The following MAML2 variants were observed in gnomAD, a reference collection of about 807,000 sequenced individuals.
The protein encoded by MAML2 is mastermind-like protein 2.
A neutral mutation model predicts 96.1 loss-of-function variants in MAML2; 22 were observed. The ratio of observed to expected loss-of-function variants is 0.23; its 90% CI spans 0.16 to 0.33. The LOEUF is 0.33. MAML2 is among the 10% of genes least tolerant of loss of function. MAML2 has a pLI of 1.00. For missense variants in MAML2, 1,367 were observed against 1,392.4 expected (o/e 0.98, Z 0.29); for synonymous variants, 561 against 521.3 (o/e 1.08, Z -1.04).
intron 1 of MAML2, among the ~76,000 whole-genome samples, chr11:96,219,779 C>T (rs765137502): frequency 3.7e-4 from 57 of 152,224 alleles, no homozygotes; most frequent in Middle Eastern, 3.4e-3. Context: ...ATACCTGCCA[C>T]GATACCCAGC....
At chr11:96,007,091 C>A (rs899159601) in intron 2 of MAML2, among the ~76,000 whole-genome samples, 6 of 151,980 alleles carry the variant, frequency 3.9e-5, no homozygotes, top group Non-Finnish European at 7.4e-5. Context: ...CAACCTCCCC[C>A]TCTTGAGTTC....
chr11:96,172,808 G>A (rs55760482), intron 1 of MAML2, among the ~76,000 whole-genome samples: 2,309 of 152,268 alleles, frequency 0.015, 30 homozygotes, highest in Non-Finnish European at 0.024. Flanking sequence ...TGTATATTAT[G>A]GAATGAGAGA....
intron 3 of MAML2, among the ~76,000 whole-genome samples, chr11:95,989,181 G>T (rs762460065): frequency 2.0e-5 from 3 of 152,234 alleles, no homozygotes; most frequent in Non-Finnish European, 2.9e-5. Flanking sequence ...CTCAATTTAG[G>T]TGCCTATGTG....
chr11:95,999,993 G>A (rs919663722), intron 2 of MAML2, among the ~76,000 whole-genome samples: 2 of 152,120 alleles, frequency 1.3e-5, no homozygotes, highest in Non-Finnish European at 2.9e-5. Context: ...TGCCGATGAA[G>A]CCATTTATTT....
chr11:96,091,821 G>A, intron 2 of MAML2, 71 bp downstream of exon 2: 1 of 1,533,956 alleles, frequency 6.5e-7, no homozygotes. Context: ...CAAACATAAT[G>A]GTAACCACAG....
chr11:95,979,077 T>C lies in MAML2; in HGVS notation c.3342A>G (p.Gln1114=). 6.2e-7 allele frequency: 1 copy of C among 1,614,014 alleles called. No individual in the cohort carries two copies. The change falls in exon 5 of 5, where the codon CAA becomes CAG. Residue 1114 remains glutamine, a synonymous_variant. Transcript: ENST00000524717. ...SDLAFDFLSQ[Q]NDNMGPALNS... is the part of the protein sequence containing the mutation. Reference sequence around the variant, plus strand: ...TTAGGGCAGGGCCCATGTTATCATTTTGTTGGCTGAGGAAGTCAAAAGCTA... The same window carrying C: ...TTAGGGCAGGGCCCATGTTATCATTCTGTTGGCTGAGGAAGTCAAAAGCTA...
At chr11:96,279,380 CA>C (rs1248081474) in intron 1 of MAML2, among the ~76,000 whole-genome samples, 1 of 152,192 alleles carries the variant, frequency 6.6e-6, no homozygotes, top group African/African-American at 2.4e-5. Flanking sequence ...GGGTCATTTG[CA>C]GTATGCAGTG....
intron 1 of MAML2, among the ~76,000 whole-genome samples, chr11:96,111,269 C>CT (rs1332974147): frequency 6.6e-6 from 1 of 152,144 alleles, no homozygotes; most frequent in Admixed American, 6.5e-5. Context: ...GTCACAGGTG[C>CT]TTTTTTCCTC....
intron 1 of MAML2, among the ~76,000 whole-genome samples, chr11:96,257,289 C>G (rs1215329450): frequency 6.6e-6 from 1 of 152,212 alleles, no homozygotes; most frequent in Non-Finnish European, 1.5e-5. Flanking sequence ...TATTGGAACA[C>G]TCTCTTGTCA....
intron 1 of MAML2, among the ~76,000 whole-genome samples, chr11:96,224,357 C>T (rs957278255): frequency 2.0e-5 from 3 of 152,146 alleles, no homozygotes; most frequent in Non-Finnish European, 4.4e-5. Context: ...ATTCAAGGGG[C>T]TCCAATATAT....
intron 2 of MAML2, among the ~76,000 whole-genome samples, chr11:96,007,883 G>T (rs1460380808): frequency 7.8e-6 from 1 of 129,024 alleles, no homozygotes; most frequent in Non-Finnish European, 1.6e-5. Flanking sequence ...TGGTGGGGTG[G>T]GGGGAGGGGG....
At chr11:96,226,970 C>T (rs1208880866) in intron 1 of MAML2, among the ~76,000 whole-genome samples, 1 of 152,118 alleles carries the variant, frequency 6.6e-6, no homozygotes, top group Non-Finnish European at 1.5e-5. Context: ...AAAAATGTTA[C>T]GTTCAATGGA....
At chr11:96,195,847 G>A (rs1443008926) in intron 1 of MAML2, among the ~76,000 whole-genome samples, 1 of 152,174 alleles carries the variant, frequency 6.6e-6, no homozygotes, top group African/African-American at 2.4e-5. Context: ...AAAACGACAT[G>A]TTCCACCATT....
At chr11:95,980,182 G>T (rs1165889344) in intron 4 of MAML2, among the ~76,000 whole-genome samples, 1 of 152,118 alleles carries the variant, frequency 6.6e-6, no homozygotes, top group African/African-American at 2.4e-5. Context: ...ATTACAAAAA[G>T]AAGACTAAAA....
intron 1 of MAML2, among the ~76,000 whole-genome samples, chr11:96,306,800 G>A (rs116665827): frequency 9.2e-5 from 14 of 152,084 alleles, no homozygotes; most frequent in South Asian, 4.1e-4. Context: ...CACACCATTC[G>A]TTACAAGGGG....
intron 2 of MAML2, among the ~76,000 whole-genome samples, chr11:96,034,617 TG>T (rs528704403): frequency 7.0e-4 from 107 of 152,312 alleles, no homozygotes; most frequent in Non-Finnish European, 1.4e-3. Context: ...AGAAAAGACT[TG>T]AAGCTTTTCA....
intron 2 of MAML2, among the ~76,000 whole-genome samples, chr11:96,020,133 G>C (rs1032017268): frequency 1.3e-5 from 2 of 152,184 alleles, no homozygotes; most frequent in African/African-American, 4.8e-5. Flanking sequence ...GGAAAAGGAA[G>C]AGTAATTGGG....
intron 1 of MAML2, among the ~76,000 whole-genome samples, chr11:96,180,756 G>A (rs555812764): frequency 2.0e-4 from 30 of 152,296 alleles, no homozygotes; most frequent in African/African-American, 7.0e-4. Flanking sequence ...GTGTCCGTGT[G>A]AAGAGACCAC....
At chr11:96,335,622 C>G (rs574237906) in intron 1 of MAML2, among the ~76,000 whole-genome samples, 1 of 152,148 alleles carries the variant, frequency 6.6e-6, no homozygotes, top group African/African-American at 2.4e-5. Context: ...TTAGGCAATG[C>G]GCTGTGAGAA....
Sources: gnomAD v4.1 joint callset for allele counts (sites outside exome capture counted in the v4.1 genomes callset) on GRCh38, gnomAD v4.1.1 for gene constraint, MANE v1.5 for transcripts, NCBI Gene and HGNC (gene_info 2026-07-23, HGNC 2026-07-21) for gene names.